Variants in AFAP1 observed in about 807,000 individuals in gnomAD.
AFAP1 encodes the protein actin filament associated protein 1.
AFAP1 carries 75 observed loss-of-function variants against 93.9 expected under a neutral mutation model. The observed-to-expected ratio is 0.80, with a 90% CI of 0.66 to 0.97. AFAP1 has a LOEUF of 0.97. Ranked by LOEUF, AFAP1 falls within the 50% of genes least tolerant of loss-of-function variation. The pLI is 0.00. For missense variants in AFAP1, 1,201 were observed against 1,050.8 expected (o/e 1.14, Z -1.98); for synonymous variants, 517 against 430.7 (o/e 1.20, Z -2.48).
In AFAP1 at chr4:7,843,507, T is replaced by C. The variant is rs556759862; in HGVS notation, c.335-157A>G. Among the ~76,000 whole-genome samples, 81 of 151,788 alleles carry C rather than the reference T, an allele frequency of 5.3e-4. 1 individual carries two copies. The highest frequency in any genetic ancestry group is 1.7e-3 in the African/African-American group (70 of 41,346). ...GAAAAAACAAAAACAAAAACAAAAA[T>C]AAAAAAACAATGCTAAGACTTGGGC... is the stretch of plus-strand genomic sequence containing the variant. On this transcript the variant is annotated intron_variant, in intron 4 of 17. Coordinates refer to ENST00000420658, the MANE Select transcript of AFAP1 (RefSeq NM_001134647.2).
intron 10 of AFAP1, among the ~76,000 whole-genome samples, chr4:7,798,580 C>T (rs1245276971): frequency 1.3e-5 from 2 of 152,226 alleles, no homozygotes; most frequent in African/African-American, 2.4e-5. Context: ...CACTTTTCAG[C>T]TGTAAAAATA....
rs770517957 is a variant in AFAP1 at position 7,800,471 on chromosome 4, G to A, written c.1237C>T (p.Arg413Cys). 4.1e-5 allele frequency: 66 copies of A among 1,614,080 alleles called. No homozygotes were observed. The highest frequency in any genetic ancestry group is 5.3e-5 in the Non-Finnish European group (62 of 1,180,044). ...AATACTGCAACCTCCTGGCCGTTGC[G>A]CAGCAGCCGGAACGTCAGAGGATGT... ...SKHPLTFRLLRNGQEVAVLEA... is the reference protein window; with the variant it reads ...SKHPLTFRLLCNGQEVAVLEA... The change falls in exon 10 of 18, where the codon CGC (arginine) becomes TGC (cysteine). Residue 413 changes from arginine to cysteine, a missense_variant. Physicochemically the swap from Arg to Cys is radical, Grantham distance 180. Coordinates refer to ENST00000420658, the MANE Select transcript of AFAP1 (RefSeq NM_001134647.2).
chr4:7,759,211 C>G lies in AFAP1; in HGVS notation c.*4554G>C, dbSNP rs1713427547. Reference sequence around the variant, plus strand: ...AAAAAGATTATCTCATTAAAAACACCTTTGGTCCTAAGACTTATGATCTGA... The same window carrying G: ...AAAAAGATTATCTCATTAAAAACACGTTTGGTCCTAAGACTTATGATCTGA... On this transcript the variant is annotated 3_prime_UTR_variant, in exon 18 of 18. Coordinates refer to ENST00000420658, the MANE Select transcript of AFAP1 (RefSeq NM_001134647.2). The G allele has an allele frequency of 6.6e-6, 1 of 152,586 alleles. No homozygotes were observed. The highest frequency in any genetic ancestry group is 1.5e-5 in the Non-Finnish European group (1 of 68,040). 9.5% of individuals were successfully genotyped at this position (152,586 alleles called of 1,614,324 possible). A position where few individuals can be genotyped will look rare whatever the true frequency, so the allele number is the denominator to read the frequency against.
intron 13 of AFAP1, among the ~76,000 whole-genome samples, chr4:7,779,452 A>C (rs909679937): frequency 2.0e-5 from 3 of 152,242 alleles, no homozygotes; most frequent in African/African-American, 7.2e-5. Context: ...GGTTTCTGAA[A>C]AAGTGAAATA....
chr4:7,930,452 G>A (rs1192513759), intron 1 of AFAP1, among the ~76,000 whole-genome samples: 3 of 152,044 alleles, frequency 2.0e-5, no homozygotes, highest in Admixed American at 6.6e-5. Context: ...CCGGAGGTAG[G>A]GGTAGGGCTG....
chr4:7,793,215 G>A (rs1264525234), intron 11 of AFAP1, among the ~76,000 whole-genome samples: 3 of 151,968 alleles, frequency 2.0e-5, no homozygotes, highest in Non-Finnish European at 4.4e-5. Context: ...TTGACGGATA[G>A]CTTTGAAAAC....
chr4:7,911,122 A>T (rs2149226079), intron 1 of AFAP1, among the ~76,000 whole-genome samples: 3 of 152,344 alleles, frequency 2.0e-5, no homozygotes, highest in Admixed American at 2.0e-4. Flanking sequence ...TTCTATGAGC[A>T]GATGGGTTGA....
intron 17 of AFAP1, among the ~76,000 whole-genome samples, chr4:7,765,910 A>C (rs1714495441): frequency 6.6e-6 from 1 of 152,198 alleles, no homozygotes; most frequent in Admixed American, 6.5e-5. Context: ...GCGCCCGGCC[A>C]CCAAAGAGGG....
At chr4:7,775,440 G>A (rs576109422) in intron 14 of AFAP1, 1 of 152,548 alleles carries the variant, frequency 6.6e-6, no homozygotes, top group Non-Finnish European at 1.5e-5. Context: ...GAAAAGACAG[G>A]AGTAATATCA....
At chr4:7,843,013 G>A in intron 5 of AFAP1, 126 bp downstream of exon 5, 2 of 1,073,444 alleles carry the variant, frequency 1.9e-6, no homozygotes, top group Non-Finnish European at 2.7e-6. Flanking sequence ...CTAGCTCAGG[G>A]CACCTGGCTG....
At position 7,809,714 on chromosome 4, in the gene AFAP1, T is replaced by A; in HGVS notation, c.954A>T (p.Lys318Asn). 6.2e-7 allele frequency: 1 copy of A among 1,614,164 alleles called. No homozygotes were observed. Among genetic ancestry groups the A allele is most frequent in the Non-Finnish European group, 8.5e-7 (1 of 1,180,020 alleles). Residue 318 changes from lysine to asparagine, a missense_variant, in exon 9 of 18, where the codon AAA (lysine) becomes AAT (asparagine). By Grantham distance (94) the Lys-to-Asn change is moderately conservative. Coordinates refer to ENST00000420658, the MANE Select transcript of AFAP1 (RefSeq NM_001134647.2). ...TCTTGGTGATTTTTTTCCCAGTGAC[T>A]TTCGACACAGTGCCCTTGGCCTCTG... is the stretch of plus-strand genomic sequence containing the variant. The part of the protein sequence containing the change: ...SKSEAKGTVS[K>N]VTGKKITKII...
chr4:7,892,058 A>C (rs1320636774), intron 1 of AFAP1, among the ~76,000 whole-genome samples: 2 of 152,134 alleles, frequency 1.3e-5, no homozygotes, highest in Non-Finnish European at 2.9e-5. Flanking sequence ...CCGACTCAAA[A>C]AAAGAAAAAA....
chr4:7,845,504 G>T (rs951520407), intron 4 of AFAP1, among the ~76,000 whole-genome samples: 1 of 152,120 alleles, frequency 6.6e-6, no homozygotes, highest in African/African-American at 2.4e-5. Context: ...ATGGCACTAG[G>T]AATGGGCTGA....
chr4:7,858,556 G>T (rs1056974271), intron 3 of AFAP1, among the ~76,000 whole-genome samples: 2 of 152,064 alleles, frequency 1.3e-5, no homozygotes, highest in South Asian at 2.1e-4. Flanking sequence ...TTTCCAATAA[G>T]AATTCACTGA....
rs187068908 is a variant in AFAP1 at position 7,837,039 on chromosome 4, C to T, written c.726+1485G>A. 9.9e-5 allele frequency among the ~76,000 whole-genome samples: 15 copies of T among 152,268 alleles called. No homozygotes were observed. The East Asian group carries it at 2.3e-3, about 24-fold the overall frequency. ...ACAACAGAACCAGGTTCAAACTCCA[C>T]CAAAACCACTGTCAAACCACCATGC... On this transcript the variant is annotated intron_variant, in intron 6 of 17. Transcript: ENST00000420658.
At position 7,809,838 on chromosome 4, in the gene AFAP1, AC is replaced by A. The variant is rs373612159; in HGVS notation, c.905-76del. ...ATTGAAAAAAAAAACATACATCAAA[AC>A]CCATTTCTTCTTTCCCTTGGCATTT... On this transcript the variant is annotated intron_variant, in intron 8 of 17. Transcript: ENST00000420658. The A allele has an allele frequency of 8.2e-4, 1,249 of 1,520,654 alleles. 9 individuals carry two copies. The African/African-American group carries it at 0.016, about 20-fold the overall frequency. 94.2% of individuals were successfully genotyped at this position (1,520,654 alleles called of 1,614,324 possible).
intron 17 of AFAP1, among the ~76,000 whole-genome samples, chr4:7,764,723 A>G (rs1340798109): frequency 6.6e-6 from 1 of 152,220 alleles, no homozygotes; most frequent in Non-Finnish European, 1.5e-5. Context: ...GACAGTGGGC[A>G]CTGGGCAGGC....
At chr4:7,793,569 T>A in intron 11 of AFAP1, 112 bp downstream of exon 11, 1 of 1,192,168 alleles carries the variant, frequency 8.4e-7, no homozygotes. Context: ...AAAGGGAAAG[T>A]CTTTAGTTTT....
intron 1 of AFAP1, among the ~76,000 whole-genome samples, chr4:7,930,473 C>T (rs1560241995): frequency 6.6e-6 from 1 of 152,192 alleles, no homozygotes; most frequent in Non-Finnish European, 1.5e-5. Flanking sequence ...GTATGTCCAA[C>T]TCTTTAATCA....
Sources: allele counts gnomAD v4.1 joint callset (sites outside exome capture counted in the v4.1 genomes callset), GRCh38; gene constraint gnomAD v4.1.1; transcripts MANE v1.5; gene names NCBI Gene and HGNC (gene_info 2026-07-23, HGNC 2026-07-21).